The following DLD variants were observed in gnomAD, a reference collection of about 807,000 sequenced individuals.
DLD encodes the protein dihydrolipoyl dehydrogenase, mitochondrial.
In DLD, 36 loss-of-function variants were observed where a neutral mutation model predicts 62.2. The ratio of observed to expected loss-of-function variants is 0.58; its 90% confidence interval spans 0.44 to 0.76. DLD has a LOEUF of 0.76. Ranked by LOEUF, DLD falls within the 30% of genes least tolerant of loss-of-function variation. DLD has a pLI of 0.00. For synonymous variants in DLD, 204 were observed against 199.6 expected, an observed-to-expected ratio of 1.02 and a Z score of -0.19; for missense variants, 541 against 608.6, an observed-to-expected ratio of 0.89 and a Z score of 1.17.
intron 2 of DLD, among the ~76,000 whole-genome samples, chr7:107,896,612 A>G (rs2031730905): frequency 6.6e-6 from 1 of 152,214 alleles, no homozygotes; most frequent in Non-Finnish European, 1.5e-5. Context: ...GTTTTGGGTG[A>G]TAACAAGTAT....
chr7:107,906,400 C>T, intron 8 of DLD, 32 bp downstream of exon 8: 5 of 1,405,640 alleles, frequency 3.6e-6, no homozygotes, highest in Non-Finnish European at 5.0e-6. Context: ...CTTATTACCT[C>T]CTTGGAGTTG....
In DLD at chr7:107,902,392, A is replaced by C; in HGVS notation, c.266A>C (p.Lys89Thr). ...TTGAATGTTGGTTGTATTCCTTCTA[A>C]GGTGAGCATGTGTTTTGTACAGCAC... ...TCLNVGCIPS[K>T]ALLNNSHYYH... The change falls in exon 4 of 14, where the codon AAG (lysine) becomes ACG (threonine). Residue 89 changes from lysine (K) to threonine (T), a missense_variant and splice_region_variant. Coordinates refer to ENST00000205402, the MANE Select transcript of DLD (RefSeq NM_000108.5). 6.2e-7 allele frequency: 1 copy of C among 1,613,840 alleles called. No individual in the cohort carries two copies. Among genetic ancestry groups the C allele is most frequent in the Non-Finnish European group, 8.5e-7 (1 of 1,179,794 alleles).
At chr7:107,899,227 G>C in intron 2 of DLD, among the ~76,000 whole-genome samples, 1 of 151,114 alleles carries the variant, frequency 6.6e-6, no homozygotes, top group East Asian at 1.9e-4. Flanking sequence ...TGTATTCTCA[G>C]TTGACAGATC....
At chr7:107,915,837 C>G in intron 9 of DLD, 141 bp downstream of exon 9, 1 of 677,662 alleles carries the variant, frequency 1.5e-6, no homozygotes, top group Non-Finnish European at 2.5e-6. Context: ...AGTTGCTTAT[C>G]AAATTATTGC....
At chr7:107,906,446 A>G (rs188025308) in intron 8 of DLD, 78 bp downstream of exon 8, 14 of 870,352 alleles carry the variant, frequency 1.6e-5, no homozygotes, top group East Asian at 7.3e-5. Context: ...GATTTTTTGT[A>G]TAACATTACA....
chr7:107,901,903 C>A, intron 3 of DLD, 86 bp downstream of exon 3: 1 of 1,055,012 alleles, frequency 9.5e-7, no homozygotes, highest in Non-Finnish European at 1.5e-6. Context: ...CAGGCAAAAA[C>A]ATGGTAAATA....
chr7:107,912,603 ATGTAT>A, intron 8 of DLD, among the ~76,000 whole-genome samples: 1 of 152,252 alleles, frequency 6.6e-6, no homozygotes, highest in East Asian at 1.9e-4. Context: ...TTTTTCATAC[ATGTAT>A]TGGCTATTTG....
In DLD at chr7:107,917,374, A is replaced by T; in HGVS notation, c.1148A>T (p.His383Leu). 1 of 1,614,198 alleles carries T rather than the reference A, an allele frequency of 6.2e-7. No homozygotes were observed. Among genetic ancestry groups the T allele is most frequent in the Non-Finnish European group, 8.5e-7 (1 of 1,180,028 alleles). The change falls in exon 11 of 14, where the codon CAC (histidine) becomes CTC (leucine). Residue 383 changes from histidine (H) to leucine (L), a missense_variant. Coordinates refer to ENST00000205402, the MANE Select transcript of DLD (RefSeq NM_000108.5). ...CVEGMAGGAV[H>L]IDYNCVPSVI... is the part of the protein sequence containing the mutation. ...GAAGGAATGGCTGGTGGTGCTGTGCACATTGACTACAATTGTGTGCCATCA... is the reference window on the plus strand; with the variant it reads ...GAAGGAATGGCTGGTGGTGCTGTGCTCATTGACTACAATTGTGTGCCATCA...
chr7:107,916,115 A>G (rs2032263418), intron 9 of DLD, among the ~76,000 whole-genome samples: 1 of 152,232 alleles, frequency 6.6e-6, no homozygotes, highest in Non-Finnish European at 1.5e-5. Context: ...AGTTAATAGT[A>G]TTTAAATAGT....
At chr7:107,904,095 T>C (rs2031945212) in intron 5 of DLD, among the ~76,000 whole-genome samples, 1 of 152,234 alleles carries the variant, frequency 6.6e-6, no homozygotes. Flanking sequence ...GGTAGTCTCT[T>C]CTGGGCAGGA....
intron 3 of DLD, 24 bp downstream of exon 3, chr7:107,901,841 T>C (rs778615039): frequency 1.8e-5 from 29 of 1,585,060 alleles, no homozygotes; most frequent in Non-Finnish European, 2.3e-5. Flanking sequence ...TCAAACTAAG[T>C]ATTGATTTAT....
intron 1 of DLD, among the ~76,000 whole-genome samples, chr7:107,892,614 C>T (rs2031614495): frequency 6.6e-6 from 1 of 152,124 alleles, no homozygotes; most frequent in South Asian, 2.1e-4. Context: ...GGCACTATCT[C>T]AGCTGACTGC....
At chr7:107,905,193 T>C (rs1489656482) in intron 6 of DLD, 135 bp downstream of exon 6, 28 of 1,024,010 alleles carry the variant, frequency 2.7e-5, no homozygotes, top group African/African-American at 4.8e-5. Flanking sequence ...CTGAAATAGA[T>C]TTCCCTGACA....
chr7:107,901,682 CT>C (rs1562913294), intron 2 of DLD, 55 bp from the exon 3 acceptor site: 1 of 1,459,408 alleles, frequency 6.9e-7, no homozygotes, highest in Non-Finnish European at 9.6e-7. Context: ...CCAAAGAGCT[CT>C]TTTTGGTAAA....
At chr7:107,893,169 C>G (rs764343257) in intron 1 of DLD, 31 bp from the exon 2 acceptor site, 4 of 1,582,206 alleles carry the variant, frequency 2.5e-6, no homozygotes, top group Non-Finnish European at 3.5e-6. Context: ...GAATTCATAT[C>G]TTACATAATA....
intron 2 of DLD, among the ~76,000 whole-genome samples, chr7:107,894,607 G>C (rs1473364352): frequency 2.0e-5 from 3 of 152,168 alleles, no homozygotes; most frequent in Non-Finnish European, 4.4e-5. Context: ...AGAAATGTTA[G>C]ATTTTCATTT....
At position 107,920,889 on chromosome 7, in the gene DLD, T is replaced by C. The variant is rs1274377432; in HGVS notation, c.*1630T>C. ...TTCTAAAATATATTTGTTCAGAGTT[T>C]GCAGTTGCTATCAGCAGGAGGGTTG... On this transcript the variant is annotated 3_prime_UTR_variant, in exon 14 of 14. Coordinates refer to ENST00000205402, the MANE Select transcript of DLD (RefSeq NM_000108.5). 4.6e-5 allele frequency: 7 copies of C among 152,398 alleles called. No individual in the cohort carries two copies. Among genetic ancestry groups the C allele is most frequent in the Admixed American group, 4.6e-4 (7 of 15,288 alleles). 9.4% of individuals were successfully genotyped at this position (152,398 alleles called of 1,614,324 possible).
rs2059410435 is a variant in DLD at position 107,916,901 on chromosome 7, G to C, written c.983G>C (p.Gly328Ala). 1.2e-6 allele frequency: 2 copies of C among 1,613,432 alleles called. No individual in the cohort carries two copies. The highest frequency in any genetic ancestry group is 1.3e-5 in the African/African-American group (1 of 74,682). ...FTKNLGLEEL[G>A]IELDPRGRIP... ...AAGAATTTGGGACTAGAAGAGCTGG[G>C]AATTGAACTAGATCCCAGAGGTAGA... Residue 328 changes from glycine to alanine, a missense_variant, in exon 10 of 14, where the codon GGA becomes GCA. Gly to Ala is a moderately conservative substitution (Grantham distance 60). Coordinates refer to ENST00000205402, the MANE Select transcript of DLD (RefSeq NM_000108.5).
chr7:107,915,096 G>A (rs1584471585), intron 8 of DLD, among the ~76,000 whole-genome samples: 2 of 152,248 alleles, frequency 1.3e-5, no homozygotes, highest in Admixed American at 6.5e-5. Flanking sequence ...TTCCCCAAAC[G>A]TGCTATTTAA....
Sources: gnomAD v4.1 joint callset for allele counts (sites outside exome capture counted in the v4.1 genomes callset) on GRCh38, gnomAD v4.1.1 for gene constraint, MANE v1.5 for transcripts, NCBI Gene and HGNC (gene_info 2026-07-23, HGNC 2026-07-21) for gene names.